NPHP3: variants seen among roughly 807,000 people sequenced by gnomAD.
NPHP3 encodes the protein nephrocystin 3.
In NPHP3, 123 loss-of-function variants were observed where a neutral mutation model predicts 171.9. That is an observed-to-expected ratio of 0.72 (90% CI 0.62 to 0.83). The LOEUF is 0.83. Among genes scored for constraint, NPHP3 ranks in the 40% least tolerant of loss-of-function variants. NPHP3 has a pLI of 0.00. For synonymous variants in NPHP3, 558 were observed against 579.2 expected, an observed-to-expected ratio of 0.96 and a Z score of 0.52; for missense variants, 1,506 against 1,591.9, an observed-to-expected ratio of 0.95 and a Z score of 0.92.
chr3:132,713,098 T>A (rs750304692), intron 6 of NPHP3, 28 bp downstream of exon 6: 260 of 1,271,486 alleles, frequency 2.0e-4, no homozygotes, highest in Non-Finnish European at 2.3e-4. Flanking sequence ...TTACTGCTTA[T>A]AATAAATTAC....
chr3:132,698,287 G>C (rs1180427200), intron 13 of NPHP3, among the ~76,000 whole-genome samples: 1 of 151,710 alleles, frequency 6.6e-6, no homozygotes, highest in Non-Finnish European at 1.5e-5. Context: ...CCATTTGTTT[G>C]TTTTTTGAGA....
At chr3:132,721,840 A>C in intron 1 of NPHP3, 123 bp downstream of exon 1, 1 of 1,142,200 alleles carries the variant, frequency 8.8e-7, no homozygotes, top group East Asian at 2.6e-5. Flanking sequence ...CGAAGAGAAT[A>C]TGGCCTCTCA....
chr3:132,689,423 C>CT (rs1411331817), intron 19 of NPHP3, among the ~76,000 whole-genome samples, 160 bp from the exon 20 acceptor site: 3 of 152,186 alleles, frequency 2.0e-5, no homozygotes, highest in African/African-American at 7.2e-5. Flanking sequence ...AATTCCACCA[C>CT]TATCCTAGCT....
rs563725744 is a variant in NPHP3 at position 132,718,749 on chromosome 3, A to C, written c.670+245T>G. ...GTAGATATCTTAGACTAGAGAGTAAAAGTTATGGGTTAGGGTTGGCAGAGT... is the reference window on the plus strand; with the variant it reads ...GTAGATATCTTAGACTAGAGAGTAACAGTTATGGGTTAGGGTTGGCAGAGT... On this transcript the variant is annotated intron_variant, in intron 3 of 26. Coordinates refer to ENST00000337331, the MANE Select transcript of NPHP3 (RefSeq NM_153240.5). Among the ~76,000 whole-genome samples, 8 of 152,278 alleles carry C rather than the reference A, an allele frequency of 5.3e-5. No individual in the cohort carries two copies. In the East Asian group the frequency reaches 1.3e-3, roughly 26 times the overall value.
At position 132,719,157 on chromosome 3, in the gene NPHP3, T is replaced by C. The variant is rs1056038850; in HGVS notation, c.520-13A>G. On this transcript the variant is annotated splice_polypyrimidine_tract_variant and intron_variant, in intron 2 of 26. Transcript: ENST00000337331. ...TCTCCCTAAAAATCTTTAAAAAGAATAATTTTAATGTTGAAAGCTTTTTCA... is the reference window on the plus strand; with the variant it reads ...TCTCCCTAAAAATCTTTAAAAAGAACAATTTTAATGTTGAAAGCTTTTTCA... 3 of 1,588,278 alleles carry C rather than the reference T, an allele frequency of 1.9e-6. No homozygotes were observed. The highest frequency in any genetic ancestry group is 2.6e-6 in the Non-Finnish European group (3 of 1,166,124).
At chr3:132,717,112 CAA>C (rs1940074730) in intron 3 of NPHP3, 2 of 515,540 alleles carry the variant, frequency 3.9e-6, no homozygotes, top group South Asian at 5.5e-5. Context: ...ATCTCAAATT[CAA>C]AGAGAGGATT....
chr3:132,715,360 T>C (rs947847578), intron 4 of NPHP3, 142 bp from the exon 5 acceptor site: 14 of 686,640 alleles, frequency 2.0e-5, no homozygotes, highest in Non-Finnish European at 2.1e-5. Flanking sequence ...TAGAGTAATA[T>C]ATTCAAAGGC....
At chr3:132,721,661 G>GAAA (rs1940222478) in intron 1 of NPHP3, 1 of 557,940 alleles carries the variant, frequency 1.8e-6, no homozygotes, top group African/African-American at 1.9e-5. Context: ...CGGGGACCAG[G>GAAA]CGCGGTGGCT....
In NPHP3 at chr3:132,682,712, G is replaced by A; in HGVS notation, c.3803C>T (p.Ala1268Val). The change falls in exon 26 of 27, where the codon GCT (alanine) becomes GTT (valine). Residue 1268 changes from alanine to valine, a missense_variant. Ala to Val is a moderately conservative substitution (Grantham distance 64). Transcript: ENST00000337331. ...TGAAAAAAATTCTTACCTAAGCACA[G>A]CTAAATTTTTCAGTGTTTCTCCAAC... Reference protein sequence around the residue: ...PRVGETLKNLAVLSYEGGDFE... With the variant: ...PRVGETLKNLVVLSYEGGDFE... 6.2e-7 allele frequency: 1 copy of A among 1,603,928 alleles called. No individual in the cohort carries two copies. Among genetic ancestry groups the A allele is most frequent in the Non-Finnish European group, 8.5e-7 (1 of 1,170,854 alleles).
At position 132,684,595 on chromosome 3, in the gene NPHP3, C is replaced by A. The variant is rs1331706890; in HGVS notation, c.3529G>T (p.Ala1177Ser). Residue 1177 changes from alanine to serine, a missense_variant, in exon 24 of 27, where the codon GCA becomes TCA. Physicochemically the swap from Ala to Ser is moderately conservative, Grantham distance 99 (BLOSUM62 1). Transcript: ENST00000337331. ...RALAPDHPSLAYTVKHLAILY... is the reference protein window; with the variant it reads ...RALAPDHPSLSYTVKHLAILY... The stretch of plus-strand genomic sequence containing the variant: ...ATGGCAAGATGCTTCACCGTATATG[C>A]CAAAGAAGGGTGATCAGGAGCTAAT... 6.2e-7 allele frequency: 1 copy of A among 1,613,858 alleles called. No homozygotes were observed. Among genetic ancestry groups the A allele is most frequent in the Non-Finnish European group, 8.5e-7 (1 of 1,179,912 alleles).
chr3:132,701,989 G>C (rs530134809), intron 9 of NPHP3, among the ~76,000 whole-genome samples: 1 of 152,110 alleles, frequency 6.6e-6, no homozygotes, highest in African/African-American at 2.4e-5. Context: ...CAGTGCCACC[G>C]CACTCCAGCC....
At chr3:132,701,556 A>G (rs758884033) in intron 9 of NPHP3, 23 bp from the exon 10 acceptor site, 2 of 1,487,474 alleles carry the variant, frequency 1.3e-6, no homozygotes, top group Non-Finnish European at 1.9e-6. Flanking sequence ...ATGAATTTAC[A>G]TTGTAAGGAA....
In NPHP3 at chr3:132,683,478, A is replaced by G. The variant is rs749216032; in HGVS notation, c.3617T>C (p.Ile1206Thr). 6.2e-7 allele frequency: 1 copy of G among 1,613,312 alleles called. No individual in the cohort carries two copies. The highest frequency in any genetic ancestry group is 1.1e-5 in the South Asian group (1 of 91,062). The change falls in exon 25 of 27, where the codon ATT becomes ACT. Residue 1206 changes from isoleucine (I) to threonine (T), a missense_variant. By Grantham distance (89) the Ile-to-Thr change is moderately conservative. This residue lies in a region of NPHP3 where 569 missense variants were observed against 648.1 expected (regional missense o/e 0.88). Transcript: ENST00000337331. ...AVPLYELAVEIRQKSFGPKHP... is the reference protein window; with the variant it reads ...AVPLYELAVETRQKSFGPKHP... ...CTTTGGGCCAAAAGATTTCTGTCGAATTTCAACAGCCAATTCATACAAAGG... is the reference window on the plus strand; with the variant it reads ...CTTTGGGCCAAAAGATTTCTGTCGAGTTTCAACAGCCAATTCATACAAAGG...
At chr3:132,683,321 C>T in intron 25 of NPHP3, 78 bp downstream of exon 25, 1 of 1,237,816 alleles carries the variant, frequency 8.1e-7, no homozygotes, top group South Asian at 1.2e-5. Context: ...ATTTAGTGTT[C>T]CCTATCTAAT....
At chr3:132,706,610 T>C (rs928689623) in intron 7 of NPHP3, among the ~76,000 whole-genome samples, 1 of 152,110 alleles carries the variant, frequency 6.6e-6, no homozygotes, top group Non-Finnish European at 1.5e-5. Context: ...CTACTACTAC[T>C]AATATTTGAT....
At chr3:132,712,608 T>C (rs1939942113) in intron 6 of NPHP3, among the ~76,000 whole-genome samples, 1 of 151,786 alleles carries the variant, frequency 6.6e-6, no homozygotes, top group Non-Finnish European at 1.5e-5. Context: ...CTACCAAAAA[T>C]ACAAAAAATT....
In NPHP3 at chr3:132,688,735, T is replaced by A. The variant is rs1939224766; in HGVS notation, c.3040A>T (p.Ile1014Phe). 2 of 1,614,140 alleles carry A rather than the reference T, an allele frequency of 1.2e-6. No individual in the cohort carries two copies. Among genetic ancestry groups the A allele is most frequent in the Non-Finnish European group, 1.7e-6 (2 of 1,180,000 alleles). The change falls in exon 21 of 27, where the codon ATC becomes TTC. Residue 1014 changes from isoleucine to phenylalanine, a missense_variant. By Grantham distance (21) the Ile-to-Phe change is conservative (BLOSUM62 0). Around this residue, in one of 3 missense-constraint regions of NPHP3, gnomAD observed 569 missense variants for 648.1 expected, o/e 0.88. Transcript: ENST00000337331. Reference sequence around the variant, plus strand: ...TCCGCACCATAAGCATTTTCTGAGATTTCCAACGCCTGTTTATACAGTTGT... The same window carrying A: ...TCCGCACCATAAGCATTTTCTGAGAATTCCAACGCCTGTTTATACAGTTGT... ...AEQLYKQALE[I>F]SENAYGADHP...
rs1939221834 is a variant in NPHP3 at position 132,688,661 on chromosome 3, C to T, written c.3114G>A (p.Gln1038=). Residue 1038 remains glutamine, a synonymous_variant, in exon 21 of 27, where the codon CAG becomes CAA. Transcript: ENST00000337331. ...CTAAAAAATCTTACTTATTTTGTTT[C>T]TGGTACAAAGTTGCAAGTGCTTCAA... The part of the protein sequence containing the change: ...RELEALATLY[Q]KQNKYEQAEH... 6.2e-7 allele frequency: 1 copy of T among 1,614,064 alleles called. No homozygotes were observed. Among genetic ancestry groups the T allele is most frequent in the African/African-American group, 1.3e-5 (1 of 75,042 alleles).
chr3:132,694,452 C>T (rs1177058547), intron 16 of NPHP3, among the ~76,000 whole-genome samples: 2 of 151,464 alleles, frequency 1.3e-5, no homozygotes, highest in African/African-American at 2.4e-5. Context: ...TGATACCATA[C>T]AGTTAAAAGA....
Sources: gnomAD v4.1 joint callset for allele counts (sites outside exome capture counted in the v4.1 genomes callset) on GRCh38, gnomAD v4.1.1 for gene constraint, gnomAD v4.1.1 regional missense constraint, MANE v1.5 for transcripts, NCBI Gene and HGNC (gene_info 2026-07-23, HGNC 2026-07-21) for gene names.